Variants in PCLO observed in about 807,000 individuals in gnomAD.
PCLO encodes piccolo presynaptic cytomatrix protein.
Under a neutral mutation model 427.5 loss-of-function variants are expected in PCLO, and 82 were observed. That is an observed-to-expected ratio of 0.19 (90% CI 0.16 to 0.23). PCLO has a LOEUF of 0.23. PCLO is among the 10% of genes least tolerant of loss of function. PCLO has a pLI of 1.00. For synonymous variants in PCLO, 2,357 were observed against 2,155.4 expected (o/e 1.09, Z -2.59); for missense variants, 6,239 against 6,115.9 (o/e 1.02, Z -0.67).
rs1794603107 is a variant in PCLO, at chr7:82,921,878, T to C, written c.11113-5005A>G. ...TATTATCCAGAACCTATAAGGCACT[T>C]AACAAAAAAAAACACACAATCTTAT... On this transcript the variant is annotated intron_variant, in intron 6 of 24. Transcript: ENST00000333891. 3.3e-5 allele frequency among the ~76,000 whole-genome samples: 5 copies of C among 149,776 alleles called. No individual in the cohort carries two copies. The South Asian group carries it at 1.1e-3, about 31-fold the overall frequency.
chr7:82,820,282 T>A (rs1182214774), intron 20 of PCLO, among the ~76,000 whole-genome samples: 1 of 152,190 alleles, frequency 6.6e-6, no homozygotes, highest in Non-Finnish European at 1.5e-5. Flanking sequence ...ATGCTTTCAT[T>A]TGGTGACAAT....
At position 82,949,457 on chromosome 7, in the gene PCLO, T is replaced by G. The variant is rs1795279433; in HGVS notation, c.11112+19A>C. The G allele has an allele frequency of 6.5e-7, 1 of 1,529,480 alleles. No homozygotes were observed. Among genetic ancestry groups the G allele is most frequent in the Non-Finnish European group, 8.8e-7 (1 of 1,136,430 alleles). The allele number at this position is 1,529,480 out of a possible 1,614,324, so 94.7% of individuals were successfully genotyped here. On this transcript the variant is annotated intron_variant, in intron 6 of 24. Coordinates refer to ENST00000333891, the MANE Select transcript of PCLO (RefSeq NM_033026.6). ...AATAACTCATCCATTGCCTTCCAACTGAAAAGAATCACTCTTACCGTATAG... is the reference window on the plus strand; with the variant it reads ...AATAACTCATCCATTGCCTTCCAACGGAAAAGAATCACTCTTACCGTATAG...
intron 22 of PCLO, among the ~76,000 whole-genome samples, chr7:82,792,490 G>C (rs1791124506): frequency 6.6e-6 from 1 of 151,746 alleles, no homozygotes; most frequent in Non-Finnish European, 1.5e-5. Context: ...ACCACACCCA[G>C]CTAATTTTCG....
At chr7:82,880,944 C>T (rs1793491640) in intron 9 of PCLO, among the ~76,000 whole-genome samples, 1 of 152,150 alleles carries the variant, frequency 6.6e-6, no homozygotes, top group African/African-American at 2.4e-5. Context: ...AACACCAATA[C>T]TTTAGACACA....
chr7:83,110,658 T>C (rs538274863), intron 3 of PCLO, among the ~76,000 whole-genome samples: 26 of 152,330 alleles, frequency 1.7e-4, no homozygotes, highest in African/African-American at 5.3e-4. Flanking sequence ...AGAATTAGAC[T>C]TGAGTAATCT....
chr7:83,040,083 T>C (rs1010332178), intron 3 of PCLO, among the ~76,000 whole-genome samples: 1 of 152,178 alleles, frequency 6.6e-6, no homozygotes, highest in Non-Finnish European at 1.5e-5. Context: ...GATTTTTCTA[T>C]ATATAAGATC....
At chr7:82,791,927 AT>A (rs1185795273) in intron 22 of PCLO, among the ~76,000 whole-genome samples, 2 of 151,996 alleles carry the variant, frequency 1.3e-5, no homozygotes, top group Non-Finnish European at 2.9e-5. Flanking sequence ...AAAATTCTGA[AT>A]TTTTTCTTCC....
chr7:83,094,718 T>G (rs1376483977), intron 3 of PCLO, among the ~76,000 whole-genome samples: 1 of 152,210 alleles, frequency 6.6e-6, no homozygotes, highest in Non-Finnish European at 1.5e-5. Context: ...AGTGGTTGTA[T>G]GAACAGACAT....
At chr7:83,143,174 T>C (rs1460890557) in intron 2 of PCLO, among the ~76,000 whole-genome samples, 1 of 152,124 alleles carries the variant, frequency 6.6e-6, no homozygotes, top group Non-Finnish European at 1.5e-5. Context: ...ATTAGGAAGA[T>C]GAAATTGAGA....
At chr7:83,138,127 G>T (rs1197356061) in intron 2 of PCLO, among the ~76,000 whole-genome samples, 1 of 151,994 alleles carries the variant, frequency 6.6e-6, no homozygotes, top group African/African-American at 2.4e-5. Context: ...AGAATTAAAG[G>T]CATAATTCTT....
chr7:83,128,869 C>T (rs1033891436), intron 3 of PCLO, among the ~76,000 whole-genome samples: 3 of 152,156 alleles, frequency 2.0e-5, no homozygotes, highest in African/African-American at 7.2e-5. Flanking sequence ...AACAATTGCA[C>T]AATGATTCCA....
intron 4 of PCLO, among the ~76,000 whole-genome samples, chr7:82,959,234 T>C (rs1369560526): frequency 5.9e-5 from 9 of 152,074 alleles, no homozygotes; most frequent in Non-Finnish European, 1.2e-4. Context: ...GCCTGGCTAA[T>C]TTTTGTATTT....
At chr7:82,777,438 A>G (rs1790778208) in intron 22 of PCLO, among the ~76,000 whole-genome samples, 1 of 152,212 alleles carries the variant, frequency 6.6e-6, no homozygotes, top group Non-Finnish European at 1.5e-5. Context: ...AAGAGCATCA[A>G]TACTCAAGAC....
chr7:83,112,060 G>A (rs1791017827), intron 3 of PCLO, among the ~76,000 whole-genome samples: 1 of 151,704 alleles, frequency 6.6e-6, no homozygotes, highest in African/African-American at 2.4e-5. Context: ...TTGTTTTTTT[G>A]TTTGTTTTGT....
chr7:82,952,337 G>A lies in PCLO; in HGVS notation c.8616C>T (p.Val2872=), dbSNP rs1188943839. ...HAVTLAITKP[V]TVPPVGVTNG... ...TTGTGACACCAACAGGAGGCACAGTGACAGGTTTTGTAATAGCCAATGTCA... is the reference window on the plus strand; with the variant it reads ...TTGTGACACCAACAGGAGGCACAGTAACAGGTTTTGTAATAGCCAATGTCA... The change falls in exon 5 of 25, where the codon GTC becomes GTT. Residue 2872 remains valine (V), a synonymous_variant. Coordinates refer to ENST00000333891, the MANE Select transcript of PCLO (RefSeq NM_033026.6). 8 of 1,613,984 alleles carry A rather than the reference G, an allele frequency of 5.0e-6. No individual in the cohort carries two copies. Among genetic ancestry groups the A allele is most frequent in the South Asian group, 4.4e-5 (4 of 91,078 alleles).
At chr7:82,900,420 A>G (rs936235992) in intron 9 of PCLO, among the ~76,000 whole-genome samples, 1 of 151,760 alleles carries the variant, frequency 6.6e-6, no homozygotes. Flanking sequence ...ATATTTGAAT[A>G]TTTTCTATTG....
intron 3 of PCLO, among the ~76,000 whole-genome samples, chr7:83,122,166 T>C (rs1307019083): frequency 2.0e-5 from 3 of 151,420 alleles, no homozygotes; most frequent in African/African-American, 2.4e-5. Flanking sequence ...CACGACACAA[T>C]AAAAGCCATA....
At chr7:83,037,275 G>A (rs1328460883) in intron 3 of PCLO, among the ~76,000 whole-genome samples, 1 of 151,954 alleles carries the variant, frequency 6.6e-6, no homozygotes, top group Non-Finnish European at 1.5e-5. Flanking sequence ...AATCAGCAGA[G>A]ACTAAAGAAA....
intron 10 of PCLO, among the ~76,000 whole-genome samples, chr7:82,873,525 A>T (rs1403406667): frequency 6.6e-6 from 1 of 152,202 alleles, no homozygotes; most frequent in Non-Finnish European, 1.5e-5. Context: ...TGTAATGCAG[A>T]AATTCGACTA....
Sources: gnomAD v4.1 joint callset for allele counts (sites outside exome capture counted in the v4.1 genomes callset) on GRCh38, gnomAD v4.1.1 for gene constraint, MANE v1.5 for transcripts, NCBI Gene and HGNC (gene_info 2026-07-23, HGNC 2026-07-21) for gene names.